FAM107B: variants seen among roughly 807,000 people sequenced by gnomAD.
FAM107B encodes the protein family with sequence similarity 107 member B.
A neutral mutation model predicts 31.5 loss-of-function variants in FAM107B; 21 were observed. The ratio of observed to expected loss-of-function variants is 0.67; its 90% CI spans 0.47 to 0.96. FAM107B has a LOEUF of 0.96. Ranked by LOEUF, FAM107B falls within the 40% of genes least tolerant of loss-of-function variation. The pLI, the probability that FAM107B is intolerant of heterozygous loss-of-function variation, is 0.00. For missense variants in FAM107B, 452 were observed against 377.1 expected (o/e 1.20, Z -1.64); for synonymous variants, 157 against 141.5 (o/e 1.11, Z -0.78).
chr10:14,772,577 T>C (rs955362874), intron 1 of FAM107B, among the ~76,000 whole-genome samples: 1 of 152,020 alleles, frequency 6.6e-6, no homozygotes, highest in Non-Finnish European at 1.5e-5. Context: ...ACTGCTTCCC[T>C]CCCTGCCTGG....
At chr10:14,555,455 T>C (rs1022314709) in intron 2 of FAM107B, among the ~76,000 whole-genome samples, 2 of 152,256 alleles carry the variant, frequency 1.3e-5, no homozygotes, top group Middle Eastern at 3.2e-3. Context: ...CATAATTTAA[T>C]GCCTGATTAT....
intron 3 of FAM107B, among the ~76,000 whole-genome samples, chr10:14,526,992 C>A (rs1460636316): frequency 2.0e-5 from 3 of 152,082 alleles, no homozygotes; most frequent in Admixed American, 1.3e-4. Context: ...TGCCCACCAA[C>A]ACGCCCAGCT....
intron 1 of FAM107B, among the ~76,000 whole-genome samples, chr10:14,692,393 G>C (rs11259277): frequency 0.17 from 26,153 of 152,078 alleles, 2,394 homozygotes; most frequent in Middle Eastern, 0.28. Flanking sequence ...CTTGTGAGTG[G>C]GGCTGAGGGT....
intron 2 of FAM107B, chr10:14,571,637 A>G: frequency 2.7e-6 from 1 of 364,474 alleles, no homozygotes; most frequent in Non-Finnish European, 3.8e-6. Context: ...CTATAACAAC[A>G]TATAATTTTT....
At chr10:14,701,899 T>G (rs1310680970) in intron 1 of FAM107B, among the ~76,000 whole-genome samples, 2 of 152,134 alleles carry the variant, frequency 1.3e-5, no homozygotes, top group East Asian at 3.8e-4. Context: ...ACACTGAAAT[T>G]TACTCCTTGG....
chr10:14,764,032 C>T (rs1392215635), intron 1 of FAM107B, among the ~76,000 whole-genome samples: 2 of 152,236 alleles, frequency 1.3e-5, no homozygotes, highest in Non-Finnish European at 1.5e-5. Flanking sequence ...ATCTCTACTG[C>T]TGCCTTTCTT....
chr10:14,697,324 A>C (rs17155793), intron 1 of FAM107B, among the ~76,000 whole-genome samples: 2,313 of 152,274 alleles, frequency 0.015, 51 homozygotes, highest in African/African-American at 0.053. Flanking sequence ...CCCGAAATGG[A>C]GGCAGAACAG....
chr10:14,578,098 T>C (rs1851520116), intron 2 of FAM107B, among the ~76,000 whole-genome samples: 1 of 152,150 alleles, frequency 6.6e-6, no homozygotes, highest in South Asian at 2.1e-4. Context: ...AAAGCTTTCT[T>C]TCCATTTGGA....
At chr10:14,672,449 T>C (rs1854583821) in intron 1 of FAM107B, among the ~76,000 whole-genome samples, 1 of 152,240 alleles carries the variant, frequency 6.6e-6, no homozygotes, top group Non-Finnish European at 1.5e-5. Context: ...ACCAAGAATG[T>C]ACTATTAAAA....
intron 2 of FAM107B, among the ~76,000 whole-genome samples, chr10:14,608,692 C>G (rs1204476352): frequency 9.9e-5 from 15 of 152,206 alleles, no homozygotes. Flanking sequence ...CCCTGGAGCT[C>G]TAGCGTTATG....
At chr10:14,745,908 G>A (rs1185611817) in intron 1 of FAM107B, among the ~76,000 whole-genome samples, 1 of 152,004 alleles carries the variant, frequency 6.6e-6, no homozygotes, top group Non-Finnish European at 1.5e-5. Context: ...GTGTTAAAGT[G>A]TCCCATTATT....
intron 2 of FAM107B, chr10:14,548,303 T>C: frequency 2.2e-6 from 1 of 461,222 alleles, no homozygotes; most frequent in Non-Finnish European, 2.9e-6. Context: ...ACGGACACCC[T>C]GGGGGTCCAG....
intron 2 of FAM107B, chr10:14,604,320 CG>C (rs1280812938): frequency 2.1e-6 from 2 of 951,226 alleles, no homozygotes; most frequent in Non-Finnish European, 2.5e-6. Context: ...CCCGACTGCT[CG>C]GCGGCGGCCC....
rs532670601 is a variant in FAM107B, at chr10:14,663,842, G to C, written c.469+3792C>G. 4.5e-5 allele frequency among the ~76,000 whole-genome samples: 5 copies of C among 111,694 alleles called. No homozygotes were observed. The East Asian group carries it at 1.5e-3, about 34-fold the overall frequency. The allele number at this position is 111,694 out of a possible 152,430, so 73.3% of individuals were successfully genotyped here. ...CCTACGAATATGAATACAAATTATA[G>C]AACTCAGGATGAAGTGTCAGATGCC... is the stretch of plus-strand genomic sequence containing the variant. On this transcript the variant is annotated intron_variant, in intron 2 of 4. Coordinates refer to ENST00000181796, the MANE Select transcript of FAM107B (RefSeq NM_031453.4).
intron 2 of FAM107B, among the ~76,000 whole-genome samples, chr10:14,550,612 G>A (rs1460508643): frequency 6.6e-6 from 1 of 152,168 alleles, no homozygotes; most frequent in Non-Finnish European, 1.5e-5. Context: ...CTGATACGAA[G>A]TCCACATGAA....
At chr10:14,668,031 T>A (rs1854451148) in intron 1 of FAM107B, among the ~76,000 whole-genome samples, 1 of 151,544 alleles carries the variant, frequency 6.6e-6, no homozygotes, top group African/African-American at 2.4e-5. Flanking sequence ...GTGACGGGGT[T>A]TTTTTTGTTT....
chr10:14,735,880 A>G (rs1203599330), intron 1 of FAM107B, among the ~76,000 whole-genome samples: 2 of 152,198 alleles, frequency 1.3e-5, no homozygotes, highest in African/African-American at 2.4e-5. Context: ...TTTCCTAGTG[A>G]CATTACTATA....
At chr10:14,576,268 C>T (rs1185390337) in intron 2 of FAM107B, among the ~76,000 whole-genome samples, 1 of 152,168 alleles carries the variant, frequency 6.6e-6, no homozygotes, top group Non-Finnish European at 1.5e-5. Context: ...GTGGCTCACG[C>T]CTGCAATCCC....
At chr10:14,599,060 C>T (rs1399249629) in intron 2 of FAM107B, among the ~76,000 whole-genome samples, 2 of 152,208 alleles carry the variant, frequency 1.3e-5, no homozygotes, top group African/African-American at 4.8e-5. Context: ...TTCAAGTCAG[C>T]ACTGACAACA....
Sources: allele counts gnomAD v4.1 joint callset (sites outside exome capture counted in the v4.1 genomes callset), GRCh38; gene constraint gnomAD v4.1.1; transcripts MANE v1.5; gene names NCBI Gene and HGNC (gene_info 2026-07-23, HGNC 2026-07-21).